GPHN: variants seen among roughly 807,000 people sequenced by gnomAD.
The protein encoded by GPHN is gephyrin.
A neutral mutation model predicts 95.5 loss-of-function variants in GPHN; 17 were observed. That is an observed-to-expected ratio of 0.18 (90% CI 0.12 to 0.27). The LOEUF (loss-of-function observed/expected upper bound fraction) is 0.27. Ranked by LOEUF, GPHN falls within the 10% of genes least tolerant of loss-of-function variation. GPHN has a pLI of 1.00. For missense variants in GPHN, 660 were observed against 978.1 expected, an observed-to-expected ratio of 0.67 and a Z score of 4.34; for synonymous variants, 320 against 322.5, an observed-to-expected ratio of 0.99 and a Z score of 0.08.
intron 10 of GPHN, among the ~76,000 whole-genome samples, chr14:67,042,146 T>G (rs954189132): frequency 1.3e-5 from 2 of 152,120 alleles, no homozygotes. Flanking sequence ...TGCAAAAATT[T>G]TCTCCCATTC....
chr14:66,524,053 T>C (rs1243389472), intron 1 of GPHN, among the ~76,000 whole-genome samples: 1 of 152,142 alleles, frequency 6.6e-6, no homozygotes, highest in East Asian at 1.9e-4. Flanking sequence ...AAGTAAAGTA[T>C]GTATGGAAGA....
At chr14:67,460,730 C>G in the GPHN span, among the ~76,000 whole-genome samples, 1 of 152,064 alleles carries the variant, frequency 6.6e-6, no homozygotes, top group Non-Finnish European at 1.5e-5. Flanking sequence ...CAAAAAGGCT[C>G]TTTACCCCAT....
rs565857732 is a variant in GPHN, at chr14:66,687,010, A to T, written c.143+5825A>T. Among the ~76,000 whole-genome samples the T allele has an allele frequency of 3.9e-5, 6 of 152,254 alleles. No individual in the cohort carries two copies. The South Asian group carries it at 1.0e-3, about 26-fold the overall frequency. On this transcript the variant is annotated intron_variant, in intron 2 of 22. Transcript: ENST00000478722. Reference sequence around the variant, plus strand: ...CTTTTCTGCATCTATTGAGATGATCATGTGGTTTTTGTCTTTGGTTCTGTT... The same window carrying T: ...CTTTTCTGCATCTATTGAGATGATCTTGTGGTTTTTGTCTTTGGTTCTGTT...
At chr14:67,418,566 C>T in the GPHN span, among the ~76,000 whole-genome samples, 92 of 152,308 alleles carry the variant, frequency 6.0e-4, no homozygotes, top group African/African-American at 2.1e-3. Flanking sequence ...CCCCGCGCGG[C>T]CCAGATAGGG....
chr14:67,020,373 C>A (rs531906065), intron 9 of GPHN, among the ~76,000 whole-genome samples: 10 of 152,206 alleles, frequency 6.6e-5, no homozygotes, highest in South Asian at 6.2e-4. Context: ...TTGTTATGAC[C>A]TAAGCATAAG....
intron 3 of GPHN, among the ~76,000 whole-genome samples, chr14:66,806,815 C>T (rs1415224007): frequency 6.6e-6 from 1 of 152,202 alleles, no homozygotes; most frequent in African/African-American, 2.4e-5. Context: ...TTCCACAAGT[C>T]TTTAGGAAGT....
the GPHN span, among the ~76,000 whole-genome samples, chr14:67,214,268 A>G: frequency 6.6e-6 from 1 of 152,130 alleles, no homozygotes; most frequent in African/African-American, 2.4e-5. Flanking sequence ...GGTATTGCCT[A>G]GGTTTTCTTT....
At chr14:67,669,420 G>A in the GPHN span, among the ~76,000 whole-genome samples, 4 of 150,846 alleles carry the variant, frequency 2.7e-5, no homozygotes, top group African/African-American at 9.8e-5. Context: ...CAAGTGAGCA[G>A]CACCACACTA....
chr14:67,634,096 G>T, the GPHN span, among the ~76,000 whole-genome samples: 1 of 151,982 alleles, frequency 6.6e-6, no homozygotes, highest in Non-Finnish European at 1.5e-5. Flanking sequence ...GTATACTTTT[G>T]TTGAAGGAAA....
the GPHN span, among the ~76,000 whole-genome samples, chr14:67,420,296 G>C: frequency 6.6e-6 from 1 of 152,306 alleles, no homozygotes; most frequent in African/African-American, 2.4e-5. Context: ...CTCCGCCTCT[G>C]GGAGATGCTG....
At chr14:67,007,735 C>G (rs1050390026) in intron 9 of GPHN, among the ~76,000 whole-genome samples, 1 of 152,150 alleles carries the variant, frequency 6.6e-6, no homozygotes, top group Non-Finnish European at 1.5e-5. Context: ...TCAGACATAA[C>G]TGAACTCTAT....
chr14:66,684,615 A>T (rs2067217017), intron 2 of GPHN, among the ~76,000 whole-genome samples: 1 of 152,140 alleles, frequency 6.6e-6, no homozygotes. Context: ...CATTGTAGTA[A>T]AACTTGTTAC....
At chr14:66,767,399 C>T (rs1258739571) in intron 2 of GPHN, among the ~76,000 whole-genome samples, 3 of 145,146 alleles carry the variant, frequency 2.1e-5, no homozygotes, top group African/African-American at 7.6e-5. Context: ...GAGAGATTAT[C>T]ATCCTTTCTA....
At chr14:66,745,809 TA>T (rs1377756796) in intron 2 of GPHN, among the ~76,000 whole-genome samples, 1 of 151,946 alleles carries the variant, frequency 6.6e-6, no homozygotes, top group African/African-American at 2.4e-5. Flanking sequence ...ATTTAATTTT[TA>T]AAAATAATAA....
chr14:66,812,676 C>A (rs1305990658), intron 3 of GPHN, among the ~76,000 whole-genome samples: 4 of 152,078 alleles, frequency 2.6e-5, no homozygotes, highest in African/African-American at 9.7e-5. Context: ...ATTTAAGACC[C>A]CACCTGAGCC....
At chr14:67,397,179 T>A in the GPHN span, among the ~76,000 whole-genome samples, 3 of 152,182 alleles carry the variant, frequency 2.0e-5, no homozygotes, top group Admixed American at 6.5e-5. Flanking sequence ...CCGCAAGCAA[T>A]CTGCCCATCT....
chr14:67,422,900 T>A, the GPHN span, among the ~76,000 whole-genome samples: 1 of 151,206 alleles, frequency 6.6e-6, no homozygotes, highest in Non-Finnish European at 1.5e-5. Context: ...GGTGCAATCT[T>A]GGCTCACTGC....
chr14:67,123,957 G>A (rs536917100), intron 17 of GPHN, among the ~76,000 whole-genome samples: 42 of 152,280 alleles, frequency 2.8e-4, no homozygotes, highest in African/African-American at 8.2e-4. Context: ...AACCTGAAAG[G>A]TAGTAGCTTT....
chr14:66,957,090 T>C (rs914190050), intron 8 of GPHN, among the ~76,000 whole-genome samples: 1 of 148,924 alleles, frequency 6.7e-6, no homozygotes, highest in Non-Finnish European at 1.5e-5. Flanking sequence ...AATGTGCACA[T>C]GTACCCTAAA....
Sources: gnomAD v4.1 joint callset for allele counts (sites outside exome capture counted in the v4.1 genomes callset) on GRCh38, gnomAD v4.1.1 for gene constraint, MANE v1.5 for transcripts, NCBI Gene and HGNC (gene_info 2026-07-23, HGNC 2026-07-21) for gene names.